The following WASHC2C variants were observed in gnomAD, a reference collection of about 807,000 sequenced individuals.
The protein encoded by WASHC2C is Vaccinia Penetration Factor.
Under a neutral mutation model 142.2 loss-of-function variants are expected in WASHC2C, and 73 were observed. The ratio of observed to expected loss-of-function variants is 0.51; its 90% CI spans 0.43 to 0.62. WASHC2C has a LOEUF of 0.62. Among genes scored for constraint, WASHC2C ranks in the 20% least tolerant of loss-of-function variants. WASHC2C has a pLI of 0.00. For missense variants in WASHC2C, 969 were observed against 1,531.7 expected (o/e 0.63, Z 6.13); for synonymous variants, 337 against 565.5 (o/e 0.60, Z 5.73).
At chr10:45,786,537 T>C (rs2058055515) in intron 26 of WASHC2C, 75 bp from the exon 27 acceptor site, 1 of 1,524,828 alleles carries the variant, frequency 6.6e-7, no homozygotes, top group Non-Finnish European at 9.1e-7. Flanking sequence ...CCATCACAGA[T>C]TTATTTACAG....
chr10:45,789,288 A>G lies in WASHC2C; in HGVS notation c.3505A>G (p.Ser1169Gly). 6.2e-7 allele frequency: 1 copy of G among 1,612,050 alleles called. No individual in the cohort carries two copies. The highest frequency in any genetic ancestry group is 1.1e-5 in the South Asian group (1 of 90,990). Residue 1169 changes from serine to glycine, a missense_variant, in exon 29 of 31, where the codon AGC becomes GGC. Ser to Gly is a moderately conservative substitution (Grantham distance 56). Transcript: ENST00000623400. ...ANPPVGGKAK[S>G]PMFPALGEAS... Reference sequence around the variant, plus strand: ...CCCACCAGTGGGTGGTAAAGCAAAGAGCCCCATGTTTCCTGCTCTAGGCGA... The same window carrying G: ...CCCACCAGTGGGTGGTAAAGCAAAGGGCCCCATGTTTCCTGCTCTAGGCGA...
chr10:45,728,898 A>C lies in WASHC2C; in HGVS notation c.163A>C (p.Ile55Leu), dbSNP rs782122709. The change falls in exon 3 of 31, where the codon ATC (isoleucine) becomes CTC (leucine). Residue 55 changes from isoleucine to leucine, a missense_variant. By Grantham distance (5) the Ile-to-Leu change is conservative. Transcript: ENST00000623400. ...QFLQEFSQQT[I>L]SRTHEIKKQV... ...TCTACAGGAATTCTCACAGCAAACTATCTCTAGGACCCATGAAATCAAGAA... is the reference window on the plus strand; with the variant it reads ...TCTACAGGAATTCTCACAGCAAACTCTCTCTAGGACCCATGAAATCAAGAA... 4 of 1,613,568 alleles carry C rather than the reference A, an allele frequency of 2.5e-6. No homozygotes were observed. Among genetic ancestry groups the C allele is most frequent in the East Asian group, 2.2e-5 (1 of 44,890 alleles).
intron 3 of WASHC2C, among the ~76,000 whole-genome samples, chr10:45,735,104 A>G (rs1248455833): frequency 6.6e-6 from 1 of 150,594 alleles, no homozygotes; most frequent in African/African-American, 2.4e-5. Context: ...TCATAATCTT[A>G]AATACTGCAG....
chr10:45,759,724 T>C (rs1264482049), intron 17 of WASHC2C, among the ~76,000 whole-genome samples: 2 of 152,012 alleles, frequency 1.3e-5, no homozygotes, highest in Non-Finnish European at 2.9e-5. Context: ...AAGGCTGAGA[T>C]AGGAGATTCA....
intron 23 of WASHC2C, among the ~76,000 whole-genome samples, chr10:45,782,649 C>T (rs2057611451): frequency 6.6e-6 from 1 of 152,188 alleles, no homozygotes; most frequent in Admixed American, 6.5e-5. Context: ...TCACACAAAA[C>T]TTGAATATGA....
chr10:45,771,359 C>T (rs2056564245), intron 20 of WASHC2C, among the ~76,000 whole-genome samples: 1 of 111,900 alleles, frequency 8.9e-6, no homozygotes, highest in South Asian at 3.3e-4. Flanking sequence ...AGAGAGACTC[C>T]ATCTCAAAAA....
chr10:45,749,917 A>G (rs1470706918), intron 8 of WASHC2C, among the ~76,000 whole-genome samples, 179 bp from the exon 9 acceptor site: 2 of 144,018 alleles, frequency 1.4e-5, no homozygotes, highest in Middle Eastern at 3.6e-3. Flanking sequence ...CTTAGATTCA[A>G]AGTAAATCTT....
intron 30 of WASHC2C, among the ~76,000 whole-genome samples, chr10:45,791,477 T>C (rs2058388856): frequency 1.4e-5 from 2 of 146,894 alleles, no homozygotes; most frequent in African/African-American, 5.0e-5. Flanking sequence ...TTTTAAAAAG[T>C]AAGAATATAT....
chr10:45,753,143 T>G lies in WASHC2C; in HGVS notation c.1123-37T>G. The G allele has an allele frequency of 4.0e-6, 5 of 1,237,540 alleles. 1 individual carries two copies. Among genetic ancestry groups the G allele is most frequent in the Non-Finnish European group, 5.4e-6 (5 of 928,192 alleles). The allele number at this position is 1,237,540 out of a possible 1,614,324, so 76.7% of individuals were successfully genotyped here. On this transcript the variant is annotated intron_variant, in intron 12 of 30. Transcript: ENST00000623400. ...ACATGCAGCTATGCTTTCTCCTGGT[T>G]TTTTGAATTCTTTGTCATATACCTT...
At chr10:45,789,947 C>T (rs2058298018) in intron 29 of WASHC2C, among the ~76,000 whole-genome samples, 1 of 152,138 alleles carries the variant, frequency 6.6e-6, no homozygotes, top group African/African-American at 2.4e-5. Flanking sequence ...TATTGAGCAC[C>T]TGGGGACTGC....
chr10:45,732,976 C>T (rs1463937324), intron 3 of WASHC2C, among the ~76,000 whole-genome samples: 1 of 152,342 alleles, frequency 6.6e-6, no homozygotes, highest in Non-Finnish European at 1.5e-5. Flanking sequence ...CATAATGCCC[C>T]TTGCTTTTGA....
chr10:45,789,524 C>T (rs1228262895), intron 29 of WASHC2C, 33 bp downstream of exon 29: 6 of 1,611,490 alleles, frequency 3.7e-6, no homozygotes, highest in Non-Finnish European at 4.2e-6. Flanking sequence ...TGTGTCTGTT[C>T]TAAGTTAAGG....
chr10:45,773,623 T>C (rs564489936), intron 21 of WASHC2C, among the ~76,000 whole-genome samples: 47 of 152,412 alleles, frequency 3.1e-4, no homozygotes, highest in Non-Finnish European at 5.6e-4. Flanking sequence ...GGAATTCTGC[T>C]AACATTAGAC....
intron 5 of WASHC2C, among the ~76,000 whole-genome samples, chr10:45,742,774 G>T (rs2052275343): frequency 1.3e-5 from 2 of 151,826 alleles, no homozygotes; most frequent in South Asian, 4.1e-4. Context: ...GCTTGCTGCT[G>T]ATAGACTTTT....
intron 3 of WASHC2C, among the ~76,000 whole-genome samples, chr10:45,736,304 G>A (rs2051235067): frequency 6.7e-6 from 1 of 149,060 alleles, no homozygotes; most frequent in Non-Finnish European, 1.5e-5. Context: ...TACTCAGGAG[G>A]CTGAGGCAGG....
intron 30 of WASHC2C, among the ~76,000 whole-genome samples, chr10:45,792,016 C>T (rs1427274616): frequency 6.2e-5 from 9 of 145,330 alleles, no homozygotes; most frequent in African/African-American, 2.3e-4. Flanking sequence ...CTGTCCTGCA[C>T]ACGCACATAC....
rs1464846265 is a variant in WASHC2C, at chr10:45,737,921, T to C, written c.292-62T>C. 3 of 1,611,812 alleles carry C rather than the reference T, an allele frequency of 1.9e-6. 1 individual carries two copies. The highest frequency in any genetic ancestry group is 2.5e-6 in the Non-Finnish European group (3 of 1,179,760). ...TCCTTAGTTACTGTGTGAATTCTTA[T>C]ATTGTGATTTATTTCCAATGACGTG... is the stretch of plus-strand genomic sequence containing the variant. On this transcript the variant is annotated intron_variant, in intron 3 of 30. Transcript: ENST00000623400.
chr10:45,778,818 C>T, intron 22 of WASHC2C, 135 bp from the exon 23 acceptor site: 2 of 563,684 alleles, frequency 3.5e-6, no homozygotes, highest in East Asian at 5.9e-5. Flanking sequence ...TACTTGGGCA[C>T]AGATGTGATT....
intron 9 of WASHC2C, among the ~76,000 whole-genome samples, chr10:45,750,475 C>CT: frequency 6.6e-6 from 1 of 152,026 alleles, no homozygotes; most frequent in Admixed American, 6.6e-5. Context: ...ACCCATTCAC[C>CT]TTTTTCTTAT....
Sources: gnomAD v4.1 joint callset for allele counts (sites outside exome capture counted in the v4.1 genomes callset) on GRCh38, gnomAD v4.1.1 for gene constraint, MANE v1.5 for transcripts, NCBI Gene and HGNC (gene_info 2026-07-23, HGNC 2026-07-21) for gene names.